Variants in GLI3 observed in about 807,000 individuals in gnomAD.
The protein encoded by GLI3 is transcription activator GLI3.
In GLI3, 20 loss-of-function variants were observed where a neutral mutation model predicts 100.8. That is an observed-to-expected ratio of 0.20 (90% CI 0.14 to 0.29). GLI3 has a LOEUF of 0.29. GLI3 is among the 10% of genes least tolerant of loss of function. GLI3 has a pLI of 1.00. For synonymous variants in GLI3, 938 were observed against 860.5 expected (o/e 1.09, Z -1.58); for missense variants, 2,040 against 2,128.5 (o/e 0.96, Z 0.82).
chr7:42,124,130 C>T (rs1413698667), intron 3 of GLI3, among the ~76,000 whole-genome samples: 1 of 152,158 alleles, frequency 6.6e-6, no homozygotes, highest in Non-Finnish European at 1.5e-5. Context: ...TTAAAATAGA[C>T]CATCTCAAAA....
chr7:41,968,738 AAGAAAGAAAGAAAG>A (rs1787273536), intron 13 of GLI3, among the ~76,000 whole-genome samples: 1 of 120,050 alleles, frequency 8.3e-6, no homozygotes, highest in African/African-American at 4.6e-5. Flanking sequence ...GAAAGAAAGA[AAGAAAGAAAGAAAG>A]AAAGAAAGAA....
intron 2 of GLI3, among the ~76,000 whole-genome samples, chr7:42,216,277 G>A (rs1788375659): frequency 6.6e-6 from 1 of 152,212 alleles, no homozygotes; most frequent in Non-Finnish European, 1.5e-5. Flanking sequence ...AGCGGGTAAG[G>A]TAGAAAAACC....
At chr7:42,066,103 C>T (rs183153528) in intron 4 of GLI3, among the ~76,000 whole-genome samples, 276 of 152,112 alleles carry the variant, frequency 1.8e-3, no homozygotes, top group Non-Finnish European at 3.4e-3. Flanking sequence ...TGCAGAAAAG[C>T]GTTGTCAGAG....
chr7:42,048,484 G>A lies in GLI3; in HGVS notation c.679+7C>T, dbSNP rs1228049546. 1.1e-5 allele frequency: 17 copies of A among 1,596,570 alleles called. No homozygotes were observed. The African/African-American group carries it at 2.0e-4, about 19-fold the overall frequency. ...ATCTCCAGAAGCAGAATCCATCCTG[G>A]ACTTACCATCTGTAGGGCTCAGCCC... On this transcript the variant is annotated splice_region_variant and intron_variant, in intron 5 of 14. Coordinates refer to ENST00000395925, the MANE Select transcript of GLI3 (RefSeq NM_000168.6).
In GLI3 at chr7:42,223,108, T is replaced by C. The variant is rs774734965; in HGVS notation, c.124+22A>G. On this transcript the variant is annotated intron_variant, in intron 2 of 14. Transcript: ENST00000395925. Reference sequence around the variant, plus strand: ...CAGAAATGACTCCAGGCTGGGCTGCTGGTAATCCCTGTGCTGCTCACCATT... The same window carrying C: ...CAGAAATGACTCCAGGCTGGGCTGCCGGTAATCCCTGTGCTGCTCACCATT... 9.3e-6 allele frequency: 15 copies of C among 1,613,422 alleles called. 1 individual carries two copies. The Admixed American group carries it at 2.2e-4, about 23-fold the overall frequency.
chr7:42,022,678 C>T (rs1562689710), intron 10 of GLI3, among the ~76,000 whole-genome samples: 1 of 152,218 alleles, frequency 6.6e-6, no homozygotes, highest in South Asian at 2.1e-4. Flanking sequence ...GTCAGCCAAT[C>T]CTGGTCCCAT....
intron 1 of GLI3, among the ~76,000 whole-genome samples, chr7:42,262,913 C>A (rs1200630470): frequency 1.3e-5 from 2 of 151,002 alleles, no homozygotes. Context: ...TCTCCCCAGA[C>A]AGAGCAGTGC....
rs1789110415 is a variant in GLI3, at chr7:42,026,284, G to T, written c.1157C>A (p.Thr386Asn). 6.2e-7 allele frequency: 1 copy of T among 1,614,040 alleles called. No individual in the cohort carries two copies. The change falls in exon 8 of 15, where the codon ACT becomes AAT. Residue 386 changes from threonine to asparagine, a missense_variant. Physicochemically the swap from Thr to Asn is moderately conservative, Grantham distance 65. Transcript: ENST00000395925. ...TGGAATAGGCCTCTGTGTTGGAAAA[G>T]TTGGGGCAGGGTGGATGAGTGGAGG... Reference protein sequence around the residue: ...HSPPLIHPAPTFPTQRPIPGI... With the variant: ...HSPPLIHPAPNFPTQRPIPGI...
intron 2 of GLI3, among the ~76,000 whole-genome samples, chr7:42,196,336 C>G (rs1460105555): frequency 1.3e-5 from 2 of 152,162 alleles, no homozygotes; most frequent in East Asian, 1.9e-4. Flanking sequence ...TATTAATTCT[C>G]ACCAGTGTTA....
chr7:42,199,353 A>G (rs1415020609), intron 2 of GLI3, among the ~76,000 whole-genome samples: 2 of 152,184 alleles, frequency 1.3e-5, no homozygotes, highest in South Asian at 2.1e-4. Flanking sequence ...TCTATTTCTA[A>G]TAAGTTTACA....
chr7:42,129,583 G>C (rs1196390502), intron 3 of GLI3, among the ~76,000 whole-genome samples: 1 of 152,118 alleles, frequency 6.6e-6, no homozygotes, highest in African/African-American at 2.4e-5. Context: ...GGCCGAGGCG[G>C]GGGGATCACG....
chr7:42,065,598 G>A (rs185537333), intron 4 of GLI3, among the ~76,000 whole-genome samples: 130 of 152,300 alleles, frequency 8.5e-4, no homozygotes, highest in African/African-American at 2.9e-3. Flanking sequence ...AGAAAATGTA[G>A]TGGTTATAGT....
intron 10 of GLI3, among the ~76,000 whole-genome samples, chr7:41,989,016 A>G (rs1249411532): frequency 6.6e-6 from 1 of 152,226 alleles, no homozygotes; most frequent in Admixed American, 6.5e-5. Context: ...GACTCTGTGC[A>G]CATCGTTTCT....
At position 42,170,780 on chromosome 7, in the gene GLI3, C is replaced by T. The variant is rs542963431; in HGVS notation, c.125-22312G>A. Among the ~76,000 whole-genome samples, 206 of 152,294 alleles carry T rather than the reference C, an allele frequency of 1.4e-3. 3 individuals carry two copies. The highest frequency in any genetic ancestry group is 4.8e-3 in the African/African-American group (201 of 41,560). On this transcript the variant is annotated intron_variant, in intron 2 of 14. Coordinates refer to ENST00000395925, the MANE Select transcript of GLI3 (RefSeq NM_000168.6). ...AATAAAAGAGATGCCAGCACTCTCA[C>T]CACAATTGCCACAATCAAGTATTTG...
intron 9 of GLI3, among the ~76,000 whole-genome samples, 189 bp downstream of exon 9, chr7:42,025,075 A>G (rs1159256710): frequency 1.3e-5 from 2 of 152,254 alleles, no homozygotes; most frequent in African/African-American, 4.8e-5. Flanking sequence ...CTTCTGAGCT[A>G]GAAAAATGAT....
In GLI3 at chr7:41,973,667, G is replaced by A. The variant is rs112662059; in HGVS notation, c.1813-1040C>T. ...CGTAAGCAAGCGTCATGAAAAGCAG[G>A]ATTACTATAATGTACCTATTATATT... On this transcript the variant is annotated intron_variant, in intron 12 of 14. Coordinates refer to ENST00000395925, the MANE Select transcript of GLI3 (RefSeq NM_000168.6). Among the ~76,000 whole-genome samples, 8 of 152,258 alleles carry A rather than the reference G, an allele frequency of 5.3e-5. 1 individual carries two copies. The highest frequency in any genetic ancestry group is 1.9e-4 in the African/African-American group (8 of 41,548).
chr7:42,236,534 C>G (rs1788798454), intron 1 of GLI3, among the ~76,000 whole-genome samples: 1 of 152,198 alleles, frequency 6.6e-6, no homozygotes, highest in African/African-American at 2.4e-5. Context: ...ACCATGCCTC[C>G]CGCCTCCTTC....
In GLI3 at chr7:41,964,952, G is replaced by T; in HGVS notation, c.4121C>A (p.Pro1374Gln). Residue 1374 changes from proline (P) to glutamine (Q), a missense_variant, in exon 15 of 15, where the codon CCG (proline) becomes CAG (glutamine). Coordinates refer to ENST00000395925, the MANE Select transcript of GLI3 (RefSeq NM_000168.6). ...LPGAHGMGSQ[P>Q]SSLAVVRGYQ... ...GCCCCTGACAACTGCCAAGCTTGAC[G>T]GCTGGCTGCCCATGCCGTGAGCCCC... The T allele has an allele frequency of 6.2e-7, 1 of 1,613,712 alleles. No individual in the cohort carries two copies. The highest frequency in any genetic ancestry group is 1.1e-5 in the South Asian group (1 of 91,078).
At chr7:42,233,856 A>G (rs1282161934) in intron 1 of GLI3, among the ~76,000 whole-genome samples, 2 of 152,142 alleles carry the variant, frequency 1.3e-5, no homozygotes, top group African/African-American at 4.8e-5. Context: ...TCATTATTAG[A>G]GTGGAACCTT....
Sources: gnomAD v4.1 joint callset for allele counts (sites outside exome capture counted in the v4.1 genomes callset) on GRCh38, gnomAD v4.1.1 for gene constraint, MANE v1.5 for transcripts, NCBI Gene and HGNC (gene_info 2026-07-23, HGNC 2026-07-21) for gene names.